NRG1: variants seen among roughly 807,000 people sequenced by gnomAD.
The protein encoded by NRG1 is pro-neuregulin-1, membrane-bound isoform.
Under a neutral mutation model 63.8 loss-of-function variants are expected in NRG1, and 18 were observed. The observed-to-expected ratio is 0.28, with a 90% CI of 0.19 to 0.42. The LOEUF (loss-of-function observed/expected upper bound fraction) is 0.42, where lower values mean the gene tolerates loss of function less well. Ranked by LOEUF, NRG1 falls within the 10% of genes least tolerant of loss-of-function variation. NRG1 has a pLI of 1.00. For missense variants in NRG1, 762 were observed against 814.7 expected (o/e 0.94, Z 0.79); for synonymous variants, 302 against 301.3 (o/e 1.00, Z -0.02).
chr8:31,859,066 T>TGA, intron 1 of NRG1, among the ~76,000 whole-genome samples: 2 of 152,212 alleles, frequency 1.3e-5, no homozygotes, highest in Non-Finnish European at 2.9e-5. Flanking sequence ...ATTGTAACGG[T>TGA]TCTTATTTTG....
At chr8:32,191,087 G>A (rs1326347908) in intron 1 of NRG1, among the ~76,000 whole-genome samples, 1 of 148,572 alleles carries the variant, frequency 6.7e-6, no homozygotes, top group Non-Finnish European at 1.5e-5. Flanking sequence ...TCAGTTATTA[G>A]ATTTTTTTTT....
chr8:32,693,852 A>G (rs985126143), intron 5 of NRG1, among the ~76,000 whole-genome samples: 3 of 152,216 alleles, frequency 2.0e-5, no homozygotes, highest in South Asian at 4.1e-4. Flanking sequence ...TTGTTCCTAC[A>G]TATGTTTGTT....
chr8:31,903,821 G>A (rs1394545874), intron 1 of NRG1, among the ~76,000 whole-genome samples: 3 of 151,976 alleles, frequency 2.0e-5, no homozygotes, highest in Non-Finnish European at 4.4e-5. Context: ...CAGGCGTGGT[G>A]ATGTGCGCCT....
Position 31,639,438 on chromosome 8 carries a change from A to G in NRG1, c.37+7A>G, listed in dbSNP as rs1483042705. ...GGCCGAGTTGGCACCACAGGTAAACAGGCTGGCGAGGCGCAGGACGCTGTC... is the reference window on the plus strand; with the variant it reads ...GGCCGAGTTGGCACCACAGGTAAACGGGCTGGCGAGGCGCAGGACGCTGTC... On this transcript the variant is annotated splice_region_variant and intron_variant, in intron 1 of 10. Coordinates refer to the NRG1 transcript ENST00000519301. 11 of 1,534,474 alleles carry G rather than the reference A, an allele frequency of 7.2e-6. No homozygotes were observed. The Admixed American group carries it at 2.2e-4, about 30-fold the overall frequency.
intron 1 of NRG1, among the ~76,000 whole-genome samples, chr8:32,378,619 CAT>C (rs1370727222): frequency 6.6e-6 from 1 of 152,018 alleles, no homozygotes; most frequent in Non-Finnish European, 1.5e-5. Flanking sequence ...TTGTTGAAAA[CAT>C]ATCTTTTTTT....
chr8:32,278,000 C>T lies in NRG1; in HGVS notation c.38-317828C>T, dbSNP rs140290005. 5.1e-3 allele frequency among the ~76,000 whole-genome samples: 775 copies of T among 152,320 alleles called. 3 individuals carry two copies. The highest frequency in any genetic ancestry group is 0.017 in the African/African-American group (705 of 41,560). ...TTTGGCTCCTGGATTCTCCAACATC[C>T]GTGCCAAACCTTTCTTATGCAGCAC... On this transcript the variant is annotated intron_variant, in intron 1 of 10. Coordinates refer to the NRG1 transcript ENST00000519301.
chr8:31,652,455 C>A (rs1804946254), intron 1 of NRG1, among the ~76,000 whole-genome samples: 2 of 152,210 alleles, frequency 1.3e-5, no homozygotes, highest in South Asian at 4.1e-4. Context: ...AACTCAGACC[C>A]CTTTGAATGG....
rs57363109 is a variant in NRG1 at position 31,712,255 on chromosome 8, C to CTTTTTT, written c.37+72849_37+72854dup. 4.9e-3 allele frequency among the ~76,000 whole-genome samples: 355 copies of CTTTTTT among 72,340 alleles called. 48 individuals are homozygous for CTTTTTT. The highest frequency in any genetic ancestry group is 6.1e-3 in the African/African-American group (104 of 17,142). 47.5% of individuals were successfully genotyped at this position (72,340 alleles called of 152,430 possible). ...TGACTTCCTGTTTCTTCTTCATGAT[C>CTTTTTT]TTTTTTTTTTTTTTTTTTTTTTTTT... On this transcript the variant is annotated intron_variant, in intron 1 of 10. Coordinates refer to the NRG1 transcript ENST00000519301.
chr8:31,889,368 T>A (rs538915913), intron 1 of NRG1, among the ~76,000 whole-genome samples: 1 of 152,292 alleles, frequency 6.6e-6, no homozygotes, highest in East Asian at 1.9e-4. Flanking sequence ...AGAGGAGACT[T>A]CAAGTTTGTG....
chr8:32,591,256 G>A (rs1166567132), intron 1 of NRG1, among the ~76,000 whole-genome samples: 1 of 152,170 alleles, frequency 6.6e-6, no homozygotes. Flanking sequence ...GGGATGCAAA[G>A]TTAGAGTAGC....
chr8:32,699,672 C>T (rs576227948), intron 5 of NRG1, among the ~76,000 whole-genome samples: 7 of 152,226 alleles, frequency 4.6e-5, no homozygotes, highest in South Asian at 4.1e-4. Context: ...GTGATTGGTA[C>T]GGCTTTTGAG....
intron 1 of NRG1, among the ~76,000 whole-genome samples, chr8:32,151,993 G>A (rs754320113): frequency 1.4e-4 from 22 of 152,184 alleles, no homozygotes; most frequent in Non-Finnish European, 2.6e-4. Context: ...TGAGTTAGGC[G>A]AAGTGCACAA....
chr8:32,703,702 A>C (rs912863664), intron 5 of NRG1, among the ~76,000 whole-genome samples: 1 of 152,164 alleles, frequency 6.6e-6, no homozygotes, highest in African/African-American at 2.4e-5. Flanking sequence ...AGACAGGAAA[A>C]TTTAACAAAG....
At chr8:31,646,917 G>T (rs1804343763) in intron 1 of NRG1, among the ~76,000 whole-genome samples, 1 of 152,150 alleles carries the variant, frequency 6.6e-6, no homozygotes, top group East Asian at 1.9e-4. Flanking sequence ...TCAGAGAAAG[G>T]TTGTTTAATT....
At chr8:31,648,384 G>A (rs62506867) in intron 1 of NRG1, among the ~76,000 whole-genome samples, 31,854 of 151,666 alleles carry the variant, frequency 0.21, 4,327 homozygotes, top group East Asian at 0.57. Flanking sequence ...CGCCCGTCTC[G>A]GCCTCCCAAA....
chr8:32,419,580 G>T (rs1414817472), intron 1 of NRG1, among the ~76,000 whole-genome samples: 1 of 152,124 alleles, frequency 6.6e-6, no homozygotes, highest in Non-Finnish European at 1.5e-5. Context: ...AAGAAAAAGA[G>T]GACTGGGAGA....
intron 1 of NRG1, among the ~76,000 whole-genome samples, chr8:32,077,690 A>G (rs2131109638): frequency 6.6e-6 from 1 of 152,344 alleles, no homozygotes; most frequent in Middle Eastern, 3.4e-3. Context: ...CTGAGTTTGA[A>G]ACTTCTGATA....
chr8:32,435,430 A>T, intron 1 of NRG1, among the ~76,000 whole-genome samples: 1 of 152,184 alleles, frequency 6.6e-6, no homozygotes, highest in East Asian at 1.9e-4. Context: ...TGTGTAGGGT[A>T]ATTGTTGAGA....
At position 32,294,273 on chromosome 8, in the gene NRG1, T is replaced by C. The variant is rs536828517; in HGVS notation, c.38-301555T>C. ...GCAGAAAACGCATTTTAGTCAACTG[T>C]TGTATAAATATTCTAAACTAGTAAT... On this transcript the variant is annotated intron_variant, in intron 1 of 10. Coordinates refer to the NRG1 transcript ENST00000519301. Among the ~76,000 whole-genome samples, 21 of 152,072 alleles carry C rather than the reference T, an allele frequency of 1.4e-4. No homozygotes were observed. The South Asian group carries it at 4.4e-3, about 32-fold the overall frequency.
Sources: allele counts gnomAD v4.1 joint callset (sites outside exome capture counted in the v4.1 genomes callset), GRCh38; gene constraint gnomAD v4.1.1; transcripts MANE v1.5; gene names NCBI Gene and HGNC (gene_info 2026-07-23, HGNC 2026-07-21).